GALNT13: variants seen among roughly 807,000 people sequenced by gnomAD.
The protein encoded by GALNT13 is UDP-GalNAc:polypeptide N-acetylgalactosaminyltransferase 13.
A neutral mutation model predicts 64.2 loss-of-function variants in GALNT13; 28 were observed. That is an observed-to-expected ratio of 0.44 (90% CI 0.32 to 0.60). The LOEUF (loss-of-function observed/expected upper bound fraction) is 0.60, where lower values mean the gene tolerates loss of function less well. Among genes scored for constraint, GALNT13 ranks in the 20% least tolerant of loss-of-function variants. GALNT13 has a pLI of 0.05. For missense variants in GALNT13, 577 were observed against 669.8 expected (o/e 0.86, Z 1.53); for synonymous variants, 214 against 224.6 (o/e 0.95, Z 0.42).
At chr2:154,378,790 C>G (rs114215213) in intron 9 of GALNT13, among the ~76,000 whole-genome samples, 40 of 151,892 alleles carry the variant, frequency 2.6e-4, no homozygotes, top group African/African-American at 9.7e-4. Context: ...AACATCAAAT[C>G]GTACCCCATA....
the GALNT13 span, among the ~76,000 whole-genome samples, chr2:153,602,037 C>A: frequency 6.6e-6 from 1 of 151,750 alleles, no homozygotes; most frequent in Non-Finnish European, 1.5e-5. Flanking sequence ...TCTCATCCAA[C>A]TTATCTGTGA....
the GALNT13 span, among the ~76,000 whole-genome samples, chr2:153,293,222 G>A: frequency 6.6e-6 from 1 of 152,054 alleles, no homozygotes. Context: ...CCGTAAATAG[G>A]TTACTTCATA....
the GALNT13 span, among the ~76,000 whole-genome samples, chr2:153,154,290 T>A: frequency 6.6e-6 from 1 of 152,166 alleles, no homozygotes; most frequent in Admixed American, 6.5e-5. Context: ...CCCCTGCACA[T>A]GCTGTCTTGC....
the GALNT13 span, among the ~76,000 whole-genome samples, chr2:153,632,380 G>T: frequency 6.6e-6 from 1 of 152,094 alleles, no homozygotes; most frequent in African/African-American, 2.4e-5. Flanking sequence ...ATTAACTAAA[G>T]TCTATAGTTT....
the GALNT13 span, among the ~76,000 whole-genome samples, chr2:153,427,268 T>A: frequency 3.3e-5 from 5 of 151,924 alleles, no homozygotes; most frequent in African/African-American, 1.2e-4. Context: ...TAAGGCTAAA[T>A]GACAGCAAGA....
the GALNT13 span, among the ~76,000 whole-genome samples, chr2:153,837,456 A>T: frequency 1.3e-5 from 2 of 151,974 alleles, no homozygotes; most frequent in Non-Finnish European, 2.9e-5. Context: ...TTCTGTTTCT[A>T]TGAGTTCAGC....
intron 3 of GALNT13, among the ~76,000 whole-genome samples, chr2:154,024,872 G>A (rs983850596): frequency 4.6e-5 from 7 of 152,044 alleles, no homozygotes; most frequent in Non-Finnish European, 8.8e-5. Context: ...TGGGTTTTTG[G>A]TGTGGATGTC....
At chr2:154,037,986 AT>A (rs1221618588) in intron 3 of GALNT13, among the ~76,000 whole-genome samples, 2 of 152,040 alleles carry the variant, frequency 1.3e-5, no homozygotes, top group East Asian at 1.9e-4. Flanking sequence ...AACTCTACAA[AT>A]TTTTTTTAAA....
intron 3 of GALNT13, among the ~76,000 whole-genome samples, chr2:154,081,581 T>C (rs1281110469): frequency 1.3e-5 from 2 of 151,672 alleles, no homozygotes; most frequent in Non-Finnish European, 3.0e-5. Flanking sequence ...ACTCAGGTCA[T>C]AAATACTGTG....
At chr2:154,391,874 A>C (rs547027045) in intron 9 of GALNT13, among the ~76,000 whole-genome samples, 84 of 152,266 alleles carry the variant, frequency 5.5e-4, no homozygotes, top group Non-Finnish European at 1.0e-3. Flanking sequence ...AAAATTAAGC[A>C]CGATAGAGGG....
At chr2:153,805,459 A>T in the GALNT13 span, among the ~76,000 whole-genome samples, 4 of 152,106 alleles carry the variant, frequency 2.6e-5, 1 homozygote, top group East Asian at 7.7e-4. Flanking sequence ...AACTCAGTAA[A>T]TTGTTTCCTT....
intron 4 of GALNT13, among the ~76,000 whole-genome samples, chr2:154,191,306 T>C (rs947163167): frequency 1.3e-5 from 2 of 152,214 alleles, no homozygotes; most frequent in Non-Finnish European, 2.9e-5. Context: ...CACTGACTTC[T>C]CTTTTCCTGA....
intron 9 of GALNT13, among the ~76,000 whole-genome samples, chr2:154,385,960 AAAC>A (rs1264152793): frequency 7.9e-5 from 12 of 152,096 alleles, no homozygotes. Context: ...TTTCTAATAA[AAAC>A]AAAATGCAAA....
At position 154,301,470 on chromosome 2, in the gene GALNT13, G is replaced by C; in HGVS notation, c.1037G>C (p.Arg346Pro). 1.2e-6 allele frequency: 2 copies of C among 1,613,500 alleles called. No individual in the cohort carries two copies. Among genetic ancestry groups the C allele is most frequent in the Non-Finnish European group, 1.7e-6 (2 of 1,179,632 alleles). Residue 346 changes from arginine (R) to proline (P), a missense_variant, in exon 9 of 13, where the codon CGG becomes CCG. By Grantham distance (103) the Arg-to-Pro change is moderately radical. Around this residue, in one of 3 missense-constraint regions of GALNT13, gnomAD observed 232 missense variants for 270.6 expected, o/e 0.86. Transcript: ENST00000392825. The part of the protein sequence containing the change: ...VTCSHVGHVF[R>P]KATPYTFPGG... ...TGCTCCCATGTTGGTCATGTTTTTC[G>C]GAAGGCAACTCCATACACTTTTCCT...
the GALNT13 span, among the ~76,000 whole-genome samples, chr2:153,841,535 G>T: frequency 6.6e-6 from 1 of 152,072 alleles, no homozygotes; most frequent in Non-Finnish European, 1.5e-5. Context: ...TAACAGAAAA[G>T]AAAATTGAGG....
chr2:154,318,220 T>C (rs779311636), intron 9 of GALNT13, among the ~76,000 whole-genome samples: 1 of 152,206 alleles, frequency 6.6e-6, no homozygotes, highest in Non-Finnish European at 1.5e-5. Flanking sequence ...CTAAATGGAA[T>C]ACTAATATTT....
At chr2:153,966,670 G>A (rs925786658) in intron 3 of GALNT13, among the ~76,000 whole-genome samples, 2 of 151,592 alleles carry the variant, frequency 1.3e-5, no homozygotes, top group Admixed American at 6.6e-5. Context: ...GACCGGCCCC[G>A]GGATTTTTTT....
At chr2:153,996,427 G>T (rs566616037) in intron 3 of GALNT13, among the ~76,000 whole-genome samples, 3 of 152,164 alleles carry the variant, frequency 2.0e-5, no homozygotes, top group Non-Finnish European at 4.4e-5. Flanking sequence ...TTTTGATGAT[G>T]AGTGTTGTTA....
the GALNT13 span, among the ~76,000 whole-genome samples, chr2:153,279,263 G>A: frequency 1.3e-5 from 2 of 152,138 alleles, no homozygotes; most frequent in Admixed American, 1.3e-4. Context: ...TTTTAGAGGA[G>A]TCTTTGGGAT....
Sources: allele counts gnomAD v4.1 joint callset (sites outside exome capture counted in the v4.1 genomes callset), GRCh38; gene constraint gnomAD v4.1.1; regional missense constraint gnomAD v4.1.1; transcripts MANE v1.5; gene names NCBI Gene and HGNC (gene_info 2026-07-23, HGNC 2026-07-21).